LINGO2: variants seen among roughly 807,000 people sequenced by gnomAD.
The protein encoded by LINGO2 is leucine rich repeat and Ig domain containing 2, also known as leucine-rich repeat and immunoglobulin-like domain-containing nogo receptor-interacting protein 2.
LINGO2 carries 14 observed loss-of-function variants against 30.6 expected under a neutral mutation model. The ratio of observed to expected loss-of-function variants is 0.46; its 90% CI spans 0.30 to 0.72. The LOEUF (loss-of-function observed/expected upper bound fraction) is 0.72, where lower values mean the gene tolerates loss of function less well. Ranked by LOEUF, LINGO2 falls within the 30% of genes least tolerant of loss-of-function variation. The pLI, the probability that LINGO2 is intolerant of heterozygous loss-of-function variation, is 0.07. For synonymous variants in LINGO2, 317 were observed against 288.5 expected (o/e 1.10, Z -1.00); for missense variants, 729 against 751.7 (o/e 0.97, Z 0.35).
chr9:28,974,947 T>A, the LINGO2 span, among the ~76,000 whole-genome samples: 1 of 152,254 alleles, frequency 6.6e-6, no homozygotes, highest in South Asian at 2.1e-4. Flanking sequence ...TGGACTGTAT[T>A]GCTTGCTTTG....
the LINGO2 span, among the ~76,000 whole-genome samples, chr9:29,186,324 A>G: frequency 6.6e-6 from 1 of 150,884 alleles, no homozygotes; most frequent in Non-Finnish European, 1.5e-5. Context: ...CACCAAAAAA[A>G]TAAAGAAAAG....
At chr9:28,838,413 T>A in the LINGO2 span, among the ~76,000 whole-genome samples, 1 of 152,204 alleles carries the variant, frequency 6.6e-6, no homozygotes, top group Non-Finnish European at 1.5e-5. Flanking sequence ...TTTCTAAAAT[T>A]TCTCAGTTTT....
intron 4 of LINGO2, among the ~76,000 whole-genome samples, chr9:28,184,537 G>A (rs1211980178): frequency 6.6e-6 from 1 of 150,846 alleles, no homozygotes; most frequent in Non-Finnish European, 1.5e-5. Flanking sequence ...GGAAGGGAGA[G>A]AGAGAGAAAA....
At chr9:27,999,413 A>T (rs540884565) in intron 5 of LINGO2, among the ~76,000 whole-genome samples, 6 of 150,750 alleles carry the variant, frequency 4.0e-5, no homozygotes, top group African/African-American at 1.5e-4. Context: ...AACCTCTACG[A>T]CTTAATCACA....
chr9:28,557,368 T>A (rs1587857336), intron 1 of LINGO2, among the ~76,000 whole-genome samples: 1 of 152,228 alleles, frequency 6.6e-6, no homozygotes, highest in East Asian at 1.9e-4. Flanking sequence ...AAAGAAGACA[T>A]TTATGCAGCC....
chr9:28,464,111 G>A (rs937246023), intron 2 of LINGO2, among the ~76,000 whole-genome samples: 1 of 152,084 alleles, frequency 6.6e-6, no homozygotes, highest in African/African-American at 2.4e-5. Flanking sequence ...CACAATTCTT[G>A]TAGTCTATGG....
the LINGO2 span, among the ~76,000 whole-genome samples, chr9:28,992,117 A>T: frequency 6.6e-6 from 1 of 152,194 alleles, no homozygotes; most frequent in Non-Finnish European, 1.5e-5. Flanking sequence ...TATTCAGGAA[A>T]CCCATCTCAT....
chr9:28,847,979 G>GTA, the LINGO2 span, among the ~76,000 whole-genome samples: 2 of 93,864 alleles, frequency 2.1e-5, no homozygotes, highest in Non-Finnish European at 4.2e-5. Context: ...ATGTATATAT[G>GTA]TGTATATATG....
the LINGO2 span, among the ~76,000 whole-genome samples, chr9:28,850,670 T>C: frequency 1.3e-5 from 2 of 151,956 alleles, no homozygotes; most frequent in Non-Finnish European, 2.9e-5. Context: ...ACAAGGTCAA[T>C]ATGGAACAAA....
At chr9:27,963,262 T>C (rs570541097) in intron 5 of LINGO2, among the ~76,000 whole-genome samples, 28 of 152,238 alleles carry the variant, frequency 1.8e-4, no homozygotes, top group African/African-American at 6.7e-4. Flanking sequence ...AGGATAATGG[T>C]TTCGTTTGTT....
At chr9:28,407,941 C>T (rs1337885249) in intron 2 of LINGO2, among the ~76,000 whole-genome samples, 1 of 151,912 alleles carries the variant, frequency 6.6e-6, no homozygotes, top group Non-Finnish European at 1.5e-5. Flanking sequence ...AAATAGTGTA[C>T]AGAAAGCCCA....
chr9:28,380,492 G>A (rs780789384), intron 2 of LINGO2, among the ~76,000 whole-genome samples: 2 of 151,828 alleles, frequency 1.3e-5, no homozygotes, highest in African/African-American at 2.4e-5. Context: ...GAAGTAGGAG[G>A]TGGCAGTCTT....
chr9:28,641,325 C>G (rs145874165), intron 1 of LINGO2, among the ~76,000 whole-genome samples: 1 of 152,170 alleles, frequency 6.6e-6, no homozygotes, highest in South Asian at 2.1e-4. Flanking sequence ...CGTGAGCCAC[C>G]GCGCCCGGCC....
Position 28,608,722 on chromosome 9 carries a change from ATT to A in LINGO2, c.-365+61476_-365+61477del, listed in dbSNP as rs200619927. Among the ~76,000 whole-genome samples the A allele has an allele frequency of 8.5e-3, 1,292 of 152,060 alleles. 9 individuals carry two copies. The highest frequency in any genetic ancestry group is 0.013 in the Non-Finnish European group (872 of 67,890). ...TCCTTAAGCTAAAACTAACTGTATC[ATT>A]TTAGCTAGAGAGAAGCATGCTTCAC... On this transcript the variant is annotated intron_variant, in intron 1 of 5. Transcript: ENST00000379992.
intron 5 of LINGO2, among the ~76,000 whole-genome samples, chr9:27,961,391 C>G (rs539185718): frequency 6.6e-6 from 1 of 152,284 alleles, no homozygotes; most frequent in African/African-American, 2.4e-5. Context: ...TACTCCTCCC[C>G]TCATCCTTGG....
intron 5 of LINGO2, among the ~76,000 whole-genome samples, chr9:28,006,515 A>G: frequency 6.6e-6 from 1 of 152,190 alleles, no homozygotes; most frequent in East Asian, 1.9e-4. Flanking sequence ...ACTATAAAAA[A>G]TAGAACAGAA....
chr9:29,097,003 TAA>T, the LINGO2 span, among the ~76,000 whole-genome samples: 1 of 139,760 alleles, frequency 7.2e-6, no homozygotes, highest in Non-Finnish European at 1.6e-5. Flanking sequence ...GAAATTTTTA[TAA>T]GTTTGTGCAA....
intron 4 of LINGO2, among the ~76,000 whole-genome samples, chr9:28,246,227 C>A (rs984074749): frequency 7.2e-5 from 11 of 152,072 alleles, no homozygotes; most frequent in Non-Finnish European, 1.5e-4. Context: ...AGTTCAAGAC[C>A]AGCCTGACCA....
the LINGO2 span, among the ~76,000 whole-genome samples, chr9:29,140,332 A>G: frequency 6.6e-6 from 1 of 151,992 alleles, no homozygotes; most frequent in East Asian, 1.9e-4. Context: ...AAATGAGAAT[A>G]CCAACAGAGA....
Sources: gnomAD v4.1 joint callset for allele counts (sites outside exome capture counted in the v4.1 genomes callset) on GRCh38, gnomAD v4.1.1 for gene constraint, MANE v1.5 for transcripts, NCBI Gene and HGNC (gene_info 2026-07-23, HGNC 2026-07-21) for gene names.